ROBO1: variants seen among roughly 807,000 people sequenced by gnomAD.
ROBO1 encodes roundabout homolog 1.
In ROBO1, 149 loss-of-function variants were observed where a neutral mutation model predicts 195.9. The ratio of observed to expected loss-of-function variants is 0.76; its 90% CI spans 0.67 to 0.87. ROBO1 has a LOEUF of 0.87. Among genes scored for constraint, ROBO1 ranks in the 40% least tolerant of loss-of-function variants. ROBO1 has a pLI of 0.00. For missense variants in ROBO1, 1,933 were observed against 2,068.3 expected, an observed-to-expected ratio of 0.93 and a Z score of 1.27; for synonymous variants, 816 against 733.2, an observed-to-expected ratio of 1.11 and a Z score of -1.82.
chr3:79,416,705 A>G (rs888272672), intron 2 of ROBO1, among the ~76,000 whole-genome samples: 2 of 152,128 alleles, frequency 1.3e-5, no homozygotes, highest in African/African-American at 4.8e-5. Context: ...AGATGCAACC[A>G]TAGCTATTAT....
chr3:79,621,052 G>C (rs955914181), intron 1 of ROBO1, among the ~76,000 whole-genome samples: 2 of 152,062 alleles, frequency 1.3e-5, no homozygotes, highest in African/African-American at 4.8e-5. Flanking sequence ...TTCTGTTCTA[G>C]ATATCAAACA....
At chr3:79,197,282 T>C (rs2081656233) in intron 2 of ROBO1, among the ~76,000 whole-genome samples, 1 of 151,974 alleles carries the variant, frequency 6.6e-6, no homozygotes, top group Non-Finnish European at 1.5e-5. Flanking sequence ...AGTGACAACA[T>C]GAAGGGTTTG....
rs945987240 is a variant in ROBO1, at chr3:78,653,101, C to T, written c.2615-1172G>A. On this transcript the variant is annotated intron_variant, in intron 18 of 30. Coordinates refer to ENST00000464233, the MANE Select transcript of ROBO1 (RefSeq NM_002941.4). Reference sequence around the variant, plus strand: ...ATCATTTGAGTCTGATACATATTGTCGTCATGAGTTCTTATAATTTCATTT... The same window carrying T: ...ATCATTTGAGTCTGATACATATTGTTGTCATGAGTTCTTATAATTTCATTT... 7.9e-5 allele frequency among the ~76,000 whole-genome samples: 12 copies of T among 152,046 alleles called. No homozygotes were observed. The East Asian group carries it at 2.1e-3, about 27-fold the overall frequency.
intron 3 of ROBO1, among the ~76,000 whole-genome samples, chr3:79,007,658 A>T (rs1464014260): frequency 1.3e-5 from 2 of 152,222 alleles, no homozygotes; most frequent in African/African-American, 4.8e-5. Flanking sequence ...AAACTGACAA[A>T]TAAAAATTGT....
At position 79,381,860 on chromosome 3, in the gene ROBO1, G is replaced by A. The variant is rs929074936; in HGVS notation, c.88+207964C>T. Among the ~76,000 whole-genome samples, 7 of 151,856 alleles carry A rather than the reference G, an allele frequency of 4.6e-5. No homozygotes were observed. In the South Asian group the frequency reaches 6.2e-4, roughly 14 times the overall value. ...ACATATCCCAGATAAAATTTTGTAC[G>A]TCTTTTCAAATTTAATATATTTGAA... On this transcript the variant is annotated intron_variant, in intron 2 of 30. Coordinates refer to ENST00000464233, the MANE Select transcript of ROBO1 (RefSeq NM_002941.4).
At chr3:79,348,064 A>C (rs905636241) in intron 2 of ROBO1, among the ~76,000 whole-genome samples, 48 of 152,146 alleles carry the variant, frequency 3.2e-4, no homozygotes, top group Middle Eastern at 3.4e-3. Context: ...CACAAAAATT[A>C]GCCGGGTGTG....
At chr3:79,652,979 T>A (rs1946055385) in intron 1 of ROBO1, among the ~76,000 whole-genome samples, 1 of 152,000 alleles carries the variant, frequency 6.6e-6, no homozygotes, top group South Asian at 2.1e-4. Flanking sequence ...GCTGACATTA[T>A]GTAGTACTGC....
chr3:79,286,066 C>T (rs866809184), intron 2 of ROBO1, among the ~76,000 whole-genome samples: 1 of 152,118 alleles, frequency 6.6e-6, no homozygotes, highest in Non-Finnish European at 1.5e-5. Flanking sequence ...AGCATAAAGC[C>T]AATGTCCCAA....
At chr3:78,861,791 T>A (rs959708769) in intron 4 of ROBO1, among the ~76,000 whole-genome samples, 10 of 152,162 alleles carry the variant, frequency 6.6e-5, no homozygotes, top group Non-Finnish European at 1.3e-4. Flanking sequence ...ATCCCTTATA[T>A]CTAGAAATAT....
In ROBO1 at chr3:79,140,528, T is replaced by C. The variant is rs561793759; in HGVS notation, c.89-14989A>G. 1.9e-3 allele frequency among the ~76,000 whole-genome samples: 294 copies of C among 152,230 alleles called. 2 individuals are homozygous for C. The highest frequency in any genetic ancestry group is 6.2e-3 in the African/African-American group (259 of 41,560). On this transcript the variant is annotated intron_variant, in intron 2 of 30. Transcript: ENST00000464233. ...TCTGTGAGCATTAAATAAGTACTTA[T>C]TTATAAAATCTTATGATAATCCTAT...
At chr3:78,707,842 A>G (rs1172036893) in intron 8 of ROBO1, among the ~76,000 whole-genome samples, 1 of 152,142 alleles carries the variant, frequency 6.6e-6, no homozygotes, top group African/African-American at 2.4e-5. Flanking sequence ...AGCCCTCAAG[A>G]GAAACAAGAA....
chr3:78,766,915 C>T (rs1193546018), intron 4 of ROBO1, among the ~76,000 whole-genome samples: 1 of 152,028 alleles, frequency 6.6e-6, no homozygotes, highest in Non-Finnish European at 1.5e-5. Context: ...TATGGTGTAT[C>T]GCATTGACTG....
rs185888809 is a variant in ROBO1, at chr3:79,274,717, C to T, written c.89-149178G>A. Among the ~76,000 whole-genome samples, 3 of 151,502 alleles carry T rather than the reference C, an allele frequency of 2.0e-5. No individual in the cohort carries two copies. The East Asian group carries it at 5.8e-4, about 29-fold the overall frequency. ...AACGAAAGTTGTTTCTATGAAAGAT[C>T]AATAAAATTGTAAAAACCATTAGAT... On this transcript the variant is annotated intron_variant, in intron 2 of 30. Transcript: ENST00000464233.
intron 10 of ROBO1, among the ~76,000 whole-genome samples, chr3:78,680,768 A>G (rs1006518930): frequency 4.1e-5 from 6 of 146,694 alleles, no homozygotes; most frequent in African/African-American, 1.3e-4. Context: ...TGTGGAAGTC[A>G]GTGTGGCGAT....
At chr3:78,657,896 A>G (rs1187835210) in intron 17 of ROBO1, among the ~76,000 whole-genome samples, 3 of 152,238 alleles carry the variant, frequency 2.0e-5, no homozygotes. Flanking sequence ...ACAAGGAGTG[A>G]GCCTCATCTC....
intron 2 of ROBO1, among the ~76,000 whole-genome samples, chr3:79,583,714 T>C (rs1439347717): frequency 6.6e-6 from 1 of 151,958 alleles, no homozygotes; most frequent in East Asian, 1.9e-4. Flanking sequence ...ATATCCACAT[T>C]AGCATAGGAA....
chr3:79,765,738 T>C (rs1704950212), intron 1 of ROBO1, among the ~76,000 whole-genome samples: 2 of 152,116 alleles, frequency 1.3e-5, no homozygotes, highest in African/African-American at 4.8e-5. Context: ...GGCATTGTCT[T>C]CCCCCAGGTG....
intron 2 of ROBO1, among the ~76,000 whole-genome samples, chr3:79,455,436 T>G (rs766031351): frequency 1.8e-4 from 28 of 152,134 alleles, no homozygotes; most frequent in Admixed American, 4.6e-4. Flanking sequence ...GTGTGTAATT[T>G]TAAGAAGAGA....
At chr3:79,413,364 G>C (rs140946380) in intron 2 of ROBO1, among the ~76,000 whole-genome samples, 1 of 151,882 alleles carries the variant, frequency 6.6e-6, no homozygotes, top group African/African-American at 2.4e-5. Flanking sequence ...TTGTGGCCAG[G>C]TGCAGAGAAA....
Sources: allele counts gnomAD v4.1 joint callset (sites outside exome capture counted in the v4.1 genomes callset), GRCh38; gene constraint gnomAD v4.1.1; transcripts MANE v1.5; gene names NCBI Gene and HGNC (gene_info 2026-07-23, HGNC 2026-07-21).